DPP6: variants seen among roughly 807,000 people sequenced by gnomAD.
The protein encoded by DPP6 is A-type potassium channel modulatory protein DPP6.
Under a neutral mutation model 122.6 loss-of-function variants are expected in DPP6, and 69 were observed. The ratio of observed to expected loss-of-function variants is 0.56; its 90% CI spans 0.46 to 0.69. DPP6 has a LOEUF of 0.69. Among genes scored for constraint, DPP6 ranks in the 30% least tolerant of loss-of-function variants. The pLI, the probability that DPP6 is intolerant of heterozygous loss-of-function variation, is 0.00. For synonymous variants in DPP6, 418 were observed against 433.1 expected (o/e 0.97, Z 0.43); for missense variants, 928 against 1,116.9 (o/e 0.83, Z 2.41).
At chr7:154,575,667 ATGTGTGTGG>A (rs1337131688) in intron 5 of DPP6, among the ~76,000 whole-genome samples, 32 of 80,248 alleles carry the variant, frequency 4.0e-4, no homozygotes, top group South Asian at 9.1e-4. Flanking sequence ...GTGTGTGTGT[ATGTGTGTGG>A]TGTGTGTGGT....
chr7:154,343,549 AT>A (rs1356508294), intron 1 of DPP6, among the ~76,000 whole-genome samples: 1 of 152,170 alleles, frequency 6.6e-6, no homozygotes, highest in African/African-American at 2.4e-5. Flanking sequence ...GAGTTGATAA[AT>A]ATGGCACTCT....
At chr7:154,180,571 T>C (rs1798033158) in intron 1 of DPP6, among the ~76,000 whole-genome samples, 1 of 148,508 alleles carries the variant, frequency 6.7e-6, no homozygotes, top group African/African-American at 2.5e-5. Context: ...AGAATATATA[T>C]ATATATTCGA....
intron 1 of DPP6, among the ~76,000 whole-genome samples, chr7:154,371,459 A>T (rs1028210557): frequency 6.6e-6 from 1 of 152,038 alleles, no homozygotes; most frequent in African/African-American, 2.4e-5. Flanking sequence ...CAGTGAAAAA[A>T]TATCACCTCC....
At chr7:154,254,197 C>G (rs1802522740) in intron 1 of DPP6, among the ~76,000 whole-genome samples, 1 of 152,168 alleles carries the variant, frequency 6.6e-6, no homozygotes, top group South Asian at 2.1e-4. Context: ...GGGGGTTTAA[C>G]AAATTGCCCA....
intron 16 of DPP6, among the ~76,000 whole-genome samples, chr7:154,845,854 C>G (rs545776676): frequency 6.6e-6 from 1 of 152,294 alleles, no homozygotes; most frequent in Non-Finnish European, 1.5e-5. Context: ...TTATTGTTCC[C>G]CATGTTTCAC....
At chr7:153,835,873 A>T in the DPP6 span, among the ~76,000 whole-genome samples, 2 of 152,198 alleles carry the variant, frequency 1.3e-5, no homozygotes, top group Non-Finnish European at 2.9e-5. Flanking sequence ...CATGCCTGGT[A>T]CAACAGTCCA....
At chr7:154,818,006 C>T (rs1799529244) in intron 16 of DPP6, among the ~76,000 whole-genome samples, 1 of 152,168 alleles carries the variant, frequency 6.6e-6, no homozygotes, top group Admixed American at 6.5e-5. Context: ...GGTGAGACTT[C>T]AGATTCCATA....
At chr7:154,148,106 A>T (rs1274607122) in intron 1 of DPP6, among the ~76,000 whole-genome samples, 1 of 147,368 alleles carries the variant, frequency 6.8e-6, no homozygotes, top group Non-Finnish European at 1.5e-5. Context: ...CCGCTCATGA[A>T]ATTTTAGTGA....
intron 1 of DPP6, among the ~76,000 whole-genome samples, chr7:154,358,204 T>C (rs986870011): frequency 6.6e-5 from 10 of 152,204 alleles, no homozygotes; most frequent in African/African-American, 2.4e-4. Flanking sequence ...CTGTGAGGTA[T>C]ACCAGTTGGC....
rs545362664 is a variant in DPP6 at position 154,885,624 on chromosome 7, T to C, written c.2134-9T>C. The C allele has an allele frequency of 3.8e-6, 6 of 1,561,892 alleles. No homozygotes were observed. The South Asian group carries it at 7.1e-5, about 18-fold the overall frequency. ...ACTCCTAACTGTCTTCTCTCTGCGC[T>C]TTCTCCAGGATTACGGTGGCTACCT... On this transcript the variant is annotated splice_polypyrimidine_tract_variant and intron_variant, in intron 21 of 25. Transcript: ENST00000377770.
At chr7:154,879,408 G>A (rs1469179104) in intron 20 of DPP6, among the ~76,000 whole-genome samples, 4 of 103,128 alleles carry the variant, frequency 3.9e-5, no homozygotes, top group Non-Finnish European at 3.7e-5. Flanking sequence ...GTGAAACCCC[G>A]TCTCTACTAA....
chr7:153,816,811 T>C, the DPP6 span, among the ~76,000 whole-genome samples: 2 of 151,704 alleles, frequency 1.3e-5, no homozygotes, highest in Admixed American at 6.6e-5. Flanking sequence ...CACAGAGAAA[T>C]GAGATTTGAC....
intron 1 of DPP6, among the ~76,000 whole-genome samples, chr7:154,323,676 T>C (rs1808173732): frequency 6.6e-6 from 1 of 152,196 alleles, no homozygotes; most frequent in South Asian, 2.1e-4. Flanking sequence ...CATTTGAGCT[T>C]GCTATTTTTA....
chr7:154,450,885 T>C (rs71534130), intron 2 of DPP6, among the ~76,000 whole-genome samples: 9,276 of 152,278 alleles, frequency 0.061, 381 homozygotes, highest in East Asian at 0.13. Flanking sequence ...CCTCTACTTT[T>C]CTTTGAGCAG....
Position 154,031,880 on chromosome 7 carries a change from G to A in DPP6, c.51+144146G>A, listed in dbSNP as rs1375985465. ...TTTTTTGTTTTTTTTTTTTTTTTGGGGGACGGGGTCTCGCTCTGTCACCCA... is the reference window on the plus strand; with the variant it reads ...TTTTTTGTTTTTTTTTTTTTTTTGGAGGACGGGGTCTCGCTCTGTCACCCA... On this transcript the variant is annotated intron_variant, in intron 1 of 25. Coordinates refer to the DPP6 transcript ENST00000404039. Among the ~76,000 whole-genome samples, 711 of 127,610 alleles carry A rather than the reference G, an allele frequency of 5.6e-3. 7 individuals carry two copies. Among genetic ancestry groups the A allele is most frequent in the African/African-American group, 0.021 (684 of 32,516 alleles). The allele number at this position is 127,610 out of a possible 152,430, so 83.7% of individuals were successfully genotyped here. A position where few individuals can be genotyped will look rare whatever the true frequency, so the allele number is the denominator to read the frequency against.
At chr7:153,829,588 G>A in the DPP6 span, among the ~76,000 whole-genome samples, 2 of 152,222 alleles carry the variant, frequency 1.3e-5, no homozygotes, top group Admixed American at 1.3e-4. Flanking sequence ...TCATTCTACT[G>A]TGCCTTCATT....
At chr7:153,785,664 A>T in the DPP6 span, among the ~76,000 whole-genome samples, 4 of 151,856 alleles carry the variant, frequency 2.6e-5, no homozygotes, top group African/African-American at 9.7e-5. Context: ...TTTTTCTGAG[A>T]CAGTGTCTTG....
At chr7:153,843,196 A>G in the DPP6 span, among the ~76,000 whole-genome samples, 3 of 144,572 alleles carry the variant, frequency 2.1e-5, no homozygotes, top group Non-Finnish European at 4.4e-5. Flanking sequence ...ACGCGTGCAT[A>G]CACACACGTG....
Position 154,221,955 on chromosome 7 carries a change from GA to G in DPP6, c.243+168902del, listed in dbSNP as rs900088739. On this transcript the variant is annotated intron_variant, in intron 1 of 25. Transcript: ENST00000377770. ...ATTTAATTTTCTCTAGATGAGTGAG[GA>G]AAAAAAAAATGAAGACTCCTTACTC... Among the ~76,000 whole-genome samples the G allele has an allele frequency of 3.1e-3, 460 of 148,732 alleles. 1 individual carries two copies. Among genetic ancestry groups the G allele is most frequent in the African/African-American group, 0.01 (416 of 40,600 alleles).
Sources: gnomAD v4.1 joint callset for allele counts (sites outside exome capture counted in the v4.1 genomes callset) on GRCh38, gnomAD v4.1.1 for gene constraint, MANE v1.5 for transcripts, NCBI Gene and HGNC (gene_info 2026-07-23, HGNC 2026-07-21) for gene names.